BICD1: variants seen among roughly 807,000 people sequenced by gnomAD.
The protein encoded by BICD1 is BICD cargo adaptor 1, also known as protein bicaudal D homolog 1.
A neutral mutation model predicts 92.5 loss-of-function variants in BICD1; 35 were observed. The observed-to-expected ratio is 0.38, with a 90% CI of 0.29 to 0.50. The LOEUF is 0.50. Among genes scored for constraint, BICD1 ranks in the 20% least tolerant of loss-of-function variants. BICD1 has a pLI of 0.93. For synonymous variants in BICD1, 429 were observed against 465.1 expected (o/e 0.92, Z 1.00); for missense variants, 950 against 1,189.8 (o/e 0.80, Z 2.97).
At chr12:32,321,797 G>A (rs1421290346) in intron 4 of BICD1, among the ~76,000 whole-genome samples, 1 of 152,040 alleles carries the variant, frequency 6.6e-6, no homozygotes, top group Non-Finnish European at 1.5e-5. Context: ...TCAAGAGTTC[G>A]AGACCAGCCT....
At chr12:32,108,329 T>A in intron 1 of BICD1, 1 of 218,314 alleles carries the variant, frequency 4.6e-6, no homozygotes, top group Non-Finnish European at 9.1e-6. Context: ...AAATGGGTGA[T>A]GTATAATGTC....
chr12:32,212,095 T>C (rs1179579674), intron 1 of BICD1, among the ~76,000 whole-genome samples: 1 of 152,380 alleles, frequency 6.6e-6, no homozygotes, highest in East Asian at 1.9e-4. Flanking sequence ...TATGTACAGA[T>C]GGACATCGAT....
At chr12:32,292,309 C>T (rs1947746682) in intron 2 of BICD1, among the ~76,000 whole-genome samples, 1 of 152,186 alleles carries the variant, frequency 6.6e-6, no homozygotes, top group South Asian at 2.1e-4. Flanking sequence ...TGTTTCTTCA[C>T]ATAGTCTTCC....
chr12:32,370,179 C>T (rs1243725692), intron 9 of BICD1, among the ~76,000 whole-genome samples: 2 of 151,936 alleles, frequency 1.3e-5, no homozygotes, highest in African/African-American at 4.8e-5. Context: ...CCACCTTGGC[C>T]AACATGGTGA....
intron 8 of BICD1, among the ~76,000 whole-genome samples, chr12:32,364,373 A>T (rs989732928): frequency 1.3e-5 from 2 of 152,182 alleles, no homozygotes; most frequent in Admixed American, 1.3e-4. Context: ...CAGAGCCTGC[A>T]GCATCTCAGA....
chr12:32,289,394 T>C (rs1947665052), intron 2 of BICD1, among the ~76,000 whole-genome samples: 1 of 151,800 alleles, frequency 6.6e-6, no homozygotes, highest in Non-Finnish European at 1.5e-5. Context: ...TTTGTTTGTG[T>C]GTTTGTTTGT....
At chr12:32,270,877 A>G (rs147050154) in intron 2 of BICD1, among the ~76,000 whole-genome samples, 2 of 152,300 alleles carry the variant, frequency 1.3e-5, no homozygotes, top group Admixed American at 6.5e-5. Context: ...CTTGCTCCGT[A>G]TAAAGGCTTC....
intron 1 of BICD1, among the ~76,000 whole-genome samples, chr12:32,115,386 G>GTTTTTTTTTTT (rs149711623): frequency 1.4e-4 from 14 of 97,702 alleles, no homozygotes; most frequent in South Asian, 3.1e-4. Flanking sequence ...TGGTGTTTTT[G>GTTTTTTTTTTT]GTTTTTTTTT....
rs180671989 is a variant in BICD1, at chr12:32,175,587, A to G, written c.214-40660A>G. Among the ~76,000 whole-genome samples, 33 of 152,234 alleles carry G rather than the reference A, an allele frequency of 2.2e-4. 1 individual carries two copies. The highest frequency in any genetic ancestry group is 1.9e-3 in the Admixed American group (29 of 15,288). On this transcript the variant is annotated intron_variant, in intron 1 of 9. Transcript: ENST00000652176. ...CCACCTCGGCCTCCCCAAAGTGCTG[A>G]GACGACAGGCATGAGCCACCAATCC...
At chr12:32,156,437 G>C (rs775821680) in intron 1 of BICD1, among the ~76,000 whole-genome samples, 2 of 152,184 alleles carry the variant, frequency 1.3e-5, no homozygotes, top group African/African-American at 4.8e-5. Context: ...GGCAGTCTTA[G>C]TTGGGGCTCA....
At chr12:32,193,604 C>T (rs906944537) in intron 1 of BICD1, among the ~76,000 whole-genome samples, 1 of 152,012 alleles carries the variant, frequency 6.6e-6, no homozygotes, top group African/African-American at 2.4e-5. Context: ...ATTGGATAAC[C>T]TGGAAGAAAT....
chr12:32,178,656 GC>G (rs1465272975), intron 1 of BICD1, among the ~76,000 whole-genome samples: 8 of 152,042 alleles, frequency 5.3e-5, no homozygotes, highest in Admixed American at 4.6e-4. Flanking sequence ...TCAAGTTGGA[GC>G]CACTGCTCCG....
chr12:32,207,438 T>C (rs1253744731), intron 1 of BICD1, among the ~76,000 whole-genome samples: 1 of 152,188 alleles, frequency 6.6e-6, no homozygotes, highest in African/African-American at 2.4e-5. Context: ...ATGGAAAATA[T>C]GATATGCTAT....
chr12:32,198,323 C>A (rs148904068), intron 1 of BICD1, among the ~76,000 whole-genome samples: 5 of 87,922 alleles, frequency 5.7e-5, no homozygotes, highest in African/African-American at 1.6e-4. Context: ...GAATAATATG[C>A]ATCTATCTAT....
chr12:32,321,736 C>T (rs984064217), intron 4 of BICD1, among the ~76,000 whole-genome samples: 9 of 152,316 alleles, frequency 5.9e-5, no homozygotes, highest in Non-Finnish European at 1.0e-4. Flanking sequence ...CGGTGGCTCA[C>T]GCCTGTAATC....
At chr12:32,324,263 A>G (rs2632354) in intron 4 of BICD1, among the ~76,000 whole-genome samples, 111,804 of 151,332 alleles carry the variant, frequency 0.74, 41,557 homozygotes, top group East Asian at 0.86. Context: ...GCTGAGGCAG[A>G]AGAATCGCTT....
intron 1 of BICD1, among the ~76,000 whole-genome samples, chr12:32,128,858 A>G (rs7303671): frequency 0.29 from 43,867 of 151,806 alleles, 6,548 homozygotes; most frequent in Admixed American, 0.43. Flanking sequence ...CTGTAGCCTC[A>G]GCCTCCCAGG....
chr12:32,339,342 T>C, intron 8 of BICD1: 1 of 999,164 alleles, frequency 1.0e-6, no homozygotes, highest in African/African-American at 1.7e-5. Flanking sequence ...TTATCGTTTT[T>C]AATGTAATTT....
intron 4 of BICD1, among the ~76,000 whole-genome samples, chr12:32,324,938 A>C (rs2728791): frequency 0.82 from 125,203 of 152,064 alleles, 51,726 homozygotes; most frequent in East Asian, 0.87. Flanking sequence ...TCTTTGGGTG[A>C]ACATCTAAAG....
Sources: allele counts gnomAD v4.1 joint callset (sites outside exome capture counted in the v4.1 genomes callset), GRCh38; gene constraint gnomAD v4.1.1; transcripts MANE v1.5; gene names NCBI Gene and HGNC (gene_info 2026-07-23, HGNC 2026-07-21).